Variants in HPS1 observed in about 807,000 individuals in gnomAD.
HPS1 encodes BLOC-3 complex member HPS1.
Under a neutral mutation model 90.6 loss-of-function variants are expected in HPS1, and 59 were observed. The observed-to-expected ratio is 0.65, with a 90% confidence interval of 0.53 to 0.81. The LOEUF (loss-of-function observed/expected upper bound fraction) is 0.81, where lower values mean the gene tolerates loss of function less well. HPS1 is among the 30% of genes least tolerant of loss of function. The probability of loss-of-function intolerance (pLI) is 0.00; values close to 1 mark genes in which losing one functional copy is unlikely to be tolerated. For synonymous variants in HPS1, 388 were observed against 384.4 expected (o/e 1.01, Z -0.11); for missense variants, 849 against 896.7 (o/e 0.95, Z 0.68).
intron 11 of HPS1, among the ~76,000 whole-genome samples, chr10:98,426,369 C>T (rs1408574229): frequency 6.6e-6 from 1 of 152,222 alleles, no homozygotes; most frequent in Non-Finnish European, 1.5e-5. Flanking sequence ...TCATTTCAAT[C>T]ACCCTCAGAA....
At chr10:98,427,557 G>C (rs1417673917) in intron 10 of HPS1, among the ~76,000 whole-genome samples, 1 of 152,162 alleles carries the variant, frequency 6.6e-6, no homozygotes, top group Non-Finnish European at 1.5e-5. Context: ...TGGTGGTCAG[G>C]GGGTAGAGGG....
At chr10:98,433,540 T>G (rs1159711894) in intron 6 of HPS1, among the ~76,000 whole-genome samples, 2 of 152,224 alleles carry the variant, frequency 1.3e-5, no homozygotes, top group Non-Finnish European at 2.9e-5. Flanking sequence ...AACCTAGAGT[T>G]GCAGGCTCAG....
At chr10:98,415,297 C>T (rs1843976953), downstream of HPS1, 1 of 988,544 alleles carries the variant, frequency 1.0e-6, no homozygotes. Flanking sequence ...GGCCAGCCTC[C>T]TGCTGCCCTG....
rs756541586 is a variant in HPS1, at chr10:98,431,178, C to A, written c.621G>T (p.Leu207=). The change falls in exon 7 of 20, where the codon CTG becomes CTT. Residue 207 remains leucine, a synonymous_variant. Transcript: ENST00000361490. ...TSPERGGEEA[L]HAFLLVHSKL... is the part of the protein sequence containing the mutation. ...TGGAGTGCACGAGCAGGAAGGCATG[C>A]AGGGCCTCCTCGCCTCCCCGCTCGG... is the stretch of plus-strand genomic sequence containing the variant. 6.2e-7 allele frequency: 1 copy of A among 1,614,166 alleles called. No homozygotes were observed. The highest frequency in any genetic ancestry group is 8.5e-7 in the Non-Finnish European group (1 of 1,180,036).
At chr10:98,437,655 G>A (rs1937616606) in intron 3 of HPS1, among the ~76,000 whole-genome samples, 2 of 152,202 alleles carry the variant, frequency 1.3e-5, no homozygotes, top group Non-Finnish European at 2.9e-5. Context: ...ACACCATCTA[G>A]GTTTGTGTAA....
intron 10 of HPS1, chr10:98,429,182 A>C (rs1483037297): frequency 3.8e-6 from 4 of 1,064,020 alleles, no homozygotes; most frequent in Non-Finnish European, 4.7e-6. Flanking sequence ...GTTTACCCAC[A>C]TACTTTGGAG....
chr10:98,438,201 A>G (rs4584511), intron 3 of HPS1, among the ~76,000 whole-genome samples: 5,249 of 152,310 alleles, frequency 0.034, 190 homozygotes, highest in East Asian at 0.17. Flanking sequence ...TTGGTACCAC[A>G]GAGAGTGAGG....
intron 17 of HPS1, 48 bp downstream of exon 17, chr10:98,422,321 A>G: frequency 6.2e-7 from 1 of 1,605,476 alleles, no homozygotes; most frequent in Non-Finnish European, 8.5e-7. Flanking sequence ...AGGGCTACCC[A>G]ATATTGGCTG....
intron 16 of HPS1, among the ~76,000 whole-genome samples, chr10:98,422,816 G>A (rs1208289344): frequency 2.0e-5 from 3 of 152,226 alleles, no homozygotes; most frequent in Non-Finnish European, 4.4e-5. Flanking sequence ...TCAGACACAC[G>A]TGAGGCTGGA....
chr10:98,414,882 C>G (rs1029680135), downstream of HPS1: 4 of 1,397,980 alleles, frequency 2.9e-6, no homozygotes, highest in African/African-American at 5.8e-5. Flanking sequence ...AGCGTATAAA[C>G]TTCTGGCTGG....
At chr10:98,427,041 C>T (rs570342549) in intron 11 of HPS1, 174 bp downstream of exon 11, 7 of 576,530 alleles carry the variant, frequency 1.2e-5, no homozygotes, top group African/African-American at 1.1e-4. Flanking sequence ...TGGACCCTGC[C>T]TCTGGGCTGA....
intron 2 of HPS1, among the ~76,000 whole-genome samples, chr10:98,444,958 C>T (rs959915625): frequency 2.0e-5 from 3 of 152,018 alleles, no homozygotes; most frequent in African/African-American, 7.2e-5. Context: ...TGGTTGTGAG[C>T]GGAGAAGTGA....
chr10:98,418,887 G>A (rs1001097787), intron 18 of HPS1, among the ~76,000 whole-genome samples: 1 of 152,244 alleles, frequency 6.6e-6, no homozygotes, highest in Non-Finnish European at 1.5e-5. Flanking sequence ...CTCCCTAGAA[G>A]TGAAGGTAAA....
At chr10:98,420,284 C>T in intron 17 of HPS1, 126 bp from the exon 18 acceptor site, 2 of 734,786 alleles carry the variant, frequency 2.7e-6, no homozygotes, top group East Asian at 5.2e-5. Flanking sequence ...CTCCTAGTAC[C>T]CGGGCACTGC....
intron 17 of HPS1, among the ~76,000 whole-genome samples, chr10:98,421,664 T>C (rs1380585925): frequency 1.3e-5 from 2 of 152,230 alleles, no homozygotes; most frequent in Admixed American, 6.5e-5. Context: ...AAGATGGTGA[T>C]GATGATGCCA....
At chr10:98,432,366 T>C (rs931939311) in intron 6 of HPS1, among the ~76,000 whole-genome samples, 3 of 152,220 alleles carry the variant, frequency 2.0e-5, no homozygotes, top group African/African-American at 7.2e-5. Flanking sequence ...ACATGGCTGA[T>C]TTCCCCTCAA....
intron 3 of HPS1, among the ~76,000 whole-genome samples, chr10:98,437,046 C>A (rs1847441604): frequency 6.6e-6 from 1 of 152,094 alleles, no homozygotes; most frequent in Non-Finnish European, 1.5e-5. Flanking sequence ...AGGCTACCGC[C>A]CTCCACCTCT....
chr10:98,423,932 G>A (rs1384424653), intron 14 of HPS1, 45 bp from the exon 15 acceptor site: 12 of 1,608,278 alleles, frequency 7.5e-6, no homozygotes, highest in Non-Finnish European at 9.3e-6. Flanking sequence ...GGACCTAGGG[G>A]AGCCCCTCGC....
chr10:98,430,433 G>A (rs1256275659), intron 8 of HPS1, 138 bp downstream of exon 8: 1 of 722,466 alleles, frequency 1.4e-6, no homozygotes, highest in Non-Finnish European at 2.5e-6. Context: ...TGGGAAAGAA[G>A]TCACGCCCAA....
Sources: allele counts gnomAD v4.1 joint callset (sites outside exome capture counted in the v4.1 genomes callset), GRCh38; gene constraint gnomAD v4.1.1; transcripts MANE v1.5; gene names NCBI Gene and HGNC (gene_info 2026-07-23, HGNC 2026-07-21).